Variants in BLTP1 observed in about 807,000 individuals in gnomAD.
BLTP1 encodes the protein bridge-like lipid transfer protein family member 1, also known as fragile site-associated protein.
At chr4:122,302,147 GTTAT>G in the BLTP1 span, 1 of 348,632 alleles carries the variant, frequency 2.9e-6, no homozygotes, top group Non-Finnish European at 4.0e-6. Flanking sequence ...GTTCATAAAA[GTTAT>G]TTAATTGTAT....
chr4:122,269,039 T>C, the BLTP1 span: 2 of 823,308 alleles, frequency 2.4e-6, no homozygotes, highest in Admixed American at 6.2e-5. Flanking sequence ...AATTTTAAAA[T>C]ATTGGAACCA....
chr4:122,280,032 G>T, the BLTP1 span: 4 of 1,609,430 alleles, frequency 2.5e-6, no homozygotes, highest in Non-Finnish European at 3.4e-6. Context: ...CTACCTCAGG[G>T]TATTCTTTGC....
At chr4:122,357,073 A>G in the BLTP1 span, 1 of 966,296 alleles carries the variant, frequency 1.0e-6, no homozygotes, top group South Asian at 4.8e-5. Flanking sequence ...ATGACTAAAG[A>G]AACAACTACA....
the BLTP1 span, among the ~76,000 whole-genome samples, chr4:122,302,455 T>G: frequency 6.6e-6 from 1 of 152,228 alleles, no homozygotes; most frequent in Non-Finnish European, 1.5e-5. Context: ...ATTAGTATTA[T>G]ATGTCTGTTA....
At chr4:122,217,108 G>T in the BLTP1 span, among the ~76,000 whole-genome samples, 11 of 151,666 alleles carry the variant, frequency 7.3e-5, no homozygotes, top group East Asian at 1.9e-3. Flanking sequence ...CCCACTTTTC[G>T]CACTTTATGT....
chr4:122,331,580 C>A, the BLTP1 span: 132 of 1,580,228 alleles, frequency 8.4e-5, no homozygotes, highest in Non-Finnish European at 1.1e-4. Flanking sequence ...GAAACTTTAT[C>A]TATTAGAAAT....
the BLTP1 span, chr4:122,266,767 T>A: frequency 1.3e-6 from 2 of 1,567,834 alleles, no homozygotes; most frequent in Non-Finnish European, 1.7e-6. Flanking sequence ...CTAATATGAA[T>A]GTTTATGTCT....
the BLTP1 span, among the ~76,000 whole-genome samples, chr4:122,265,658 T>C: frequency 6.6e-6 from 1 of 152,150 alleles, no homozygotes; most frequent in Non-Finnish European, 1.5e-5. Context: ...TTGGCTCTCA[T>C]TGTGTAAATG....
the BLTP1 span, chr4:122,258,825 C>T: frequency 3.1e-6 from 5 of 1,610,096 alleles, no homozygotes; most frequent in African/African-American, 4.0e-5. Context: ...CCCATAGTGA[C>T]TCTGCATTAA....
At chr4:122,336,034 A>G in the BLTP1 span, 1 of 570,544 alleles carries the variant, frequency 1.8e-6, no homozygotes, top group Non-Finnish European at 3.0e-6. Flanking sequence ...GTATTCTAAC[A>G]TTAACATATC....
chr4:122,343,374 G>A, the BLTP1 span: 2 of 1,594,544 alleles, frequency 1.3e-6, no homozygotes, highest in South Asian at 1.1e-5. Flanking sequence ...TTTTTTTCTT[G>A]TAGCTTATAT....
At chr4:122,269,733 G>GC in the BLTP1 span, 3 of 966,830 alleles carry the variant, frequency 3.1e-6, no homozygotes, top group Non-Finnish European at 3.7e-6. Context: ...ACTTTGTAAA[G>GC]CCAGGGCAGT....
the BLTP1 span, among the ~76,000 whole-genome samples, chr4:122,201,505 A>G: frequency 1.3e-5 from 2 of 152,158 alleles, no homozygotes; most frequent in African/African-American, 4.8e-5. Context: ...AGTATACGCA[A>G]ATAGCTAAAT....
the BLTP1 span, among the ~76,000 whole-genome samples, chr4:122,222,598 G>T: frequency 6.6e-6 from 1 of 152,052 alleles, no homozygotes. Flanking sequence ...ATCCTTCCTT[G>T]CCTCTTCTTA....
At chr4:122,353,327 T>C in the BLTP1 span, 1 of 795,196 alleles carries the variant, frequency 1.3e-6, no homozygotes, top group Non-Finnish European at 1.5e-6. This position sits in a 1 kb window ranked among gnomAD's most constrained non-coding sequence, Gnocchi z 4.3. Context: ...ATTTCTGAAC[T>C]TGCCATCTTA....
chr4:122,224,126 T>C, the BLTP1 span: 6 of 966,350 alleles, frequency 6.2e-6, no homozygotes, highest in Non-Finnish European at 7.4e-6. Context: ...TTGTCTTCCT[T>C]TTAAAAATAT....
At chr4:122,338,487 TA>T in the BLTP1 span, among the ~76,000 whole-genome samples, 1 of 151,912 alleles carries the variant, frequency 6.6e-6, no homozygotes, top group African/African-American at 2.4e-5. Flanking sequence ...AGAGTGTCTC[TA>T]AAAAAACAAA....
chr4:122,194,127 G>C, the BLTP1 span, among the ~76,000 whole-genome samples: 1 of 152,220 alleles, frequency 6.6e-6, no homozygotes, highest in Non-Finnish European at 1.5e-5. Flanking sequence ...CTCTCAAAGT[G>C]CTGGGATTAC....
the BLTP1 span, among the ~76,000 whole-genome samples, chr4:122,228,179 C>T: frequency 2.6e-5 from 4 of 152,162 alleles, no homozygotes; most frequent in Non-Finnish European, 5.9e-5. Context: ...TCCCAAAGTG[C>T]TGGGATTACA....
Sources: allele counts gnomAD v4.1 joint callset (sites outside exome capture counted in the v4.1 genomes callset), GRCh38; gene constraint gnomAD v4.1.1; non-coding constraint Gnocchi (gnomAD v3.1); transcripts MANE v1.5; gene names NCBI Gene and HGNC (gene_info 2026-07-23, HGNC 2026-07-21).